The following MACROD2 variants were observed in gnomAD, a reference collection of about 807,000 sequenced individuals.
MACROD2 encodes mono-ADP ribosylhydrolase 2.
A neutral mutation model predicts 70.4 loss-of-function variants in MACROD2; 36 were observed. The observed-to-expected ratio is 0.51, with a 90% CI of 0.39 to 0.68. The LOEUF (loss-of-function observed/expected upper bound fraction) is 0.68. MACROD2 is among the 30% of genes least tolerant of loss of function. The pLI is 0.00. For synonymous variants in MACROD2, 172 were observed against 178.8 expected, an observed-to-expected ratio of 0.96 and a Z score of 0.30; for missense variants, 496 against 538.4, an observed-to-expected ratio of 0.92 and a Z score of 0.78.
chr20:14,066,541 T>G (rs2053759721), intron 2 of MACROD2, among the ~76,000 whole-genome samples: 1 of 152,224 alleles, frequency 6.6e-6, no homozygotes, highest in African/African-American at 2.4e-5. Flanking sequence ...ATTTCAAAAA[T>G]TTCAAAATTT....
At chr20:14,151,137 G>A (rs1472164579) in intron 3 of MACROD2, among the ~76,000 whole-genome samples, 1 of 152,222 alleles carries the variant, frequency 6.6e-6, no homozygotes. Context: ...GTGGAGGAAA[G>A]ACGTTAAATC....
chr20:14,638,639 A>G (rs1396213283), intron 4 of MACROD2, among the ~76,000 whole-genome samples: 1 of 152,140 alleles, frequency 6.6e-6, no homozygotes, highest in African/African-American at 2.4e-5. Flanking sequence ...TATTTACTCC[A>G]TGAGGTTGTT....
chr20:14,583,354 C>T (rs1471165181), intron 4 of MACROD2, among the ~76,000 whole-genome samples: 1 of 152,152 alleles, frequency 6.6e-6, no homozygotes. Flanking sequence ...AATAAACTCC[C>T]CAGCCTCTCA....
At chr20:14,515,474 CA>C (rs2085086286) in intron 4 of MACROD2, among the ~76,000 whole-genome samples, 1 of 133,094 alleles carries the variant, frequency 7.5e-6, no homozygotes, top group Non-Finnish European at 1.7e-5. Flanking sequence ...CGCACACACA[CA>C]CACACACACA....
At chr20:14,318,050 A>G (rs1284368634) in intron 3 of MACROD2, among the ~76,000 whole-genome samples, 2 of 152,182 alleles carry the variant, frequency 1.3e-5, no homozygotes, top group Non-Finnish European at 2.9e-5. Flanking sequence ...TTTTCTGGGT[A>G]TATTCATTAA....
intron 5 of MACROD2, among the ~76,000 whole-genome samples, chr20:14,889,439 A>T (rs1366577165): frequency 3.9e-5 from 6 of 152,160 alleles, no homozygotes; most frequent in Non-Finnish European, 2.9e-5. Context: ...GAGCAAACTA[A>T]AGGGGAAGTG....
chr20:14,849,625 C>CA (rs951020953), intron 5 of MACROD2, among the ~76,000 whole-genome samples: 4 of 151,980 alleles, frequency 2.6e-5, no homozygotes, highest in Admixed American at 2.6e-4. Context: ...ACTAAAAATA[C>CA]AAAAAATTAG....
chr20:14,890,457 G>A (rs2073740502), intron 5 of MACROD2, among the ~76,000 whole-genome samples: 1 of 151,424 alleles, frequency 6.6e-6, no homozygotes. Flanking sequence ...GAGGGGGAGA[G>A]CTTCATGGTG....
chr20:14,682,624 G>T (rs2070947472), intron 4 of MACROD2, among the ~76,000 whole-genome samples: 1 of 151,864 alleles, frequency 6.6e-6, no homozygotes, highest in Non-Finnish European at 1.5e-5. Flanking sequence ...ACCTATAGCT[G>T]GTCTATTCAT....
At chr20:16,031,795 G>A (rs944213468) in intron 15 of MACROD2, among the ~76,000 whole-genome samples, 1 of 152,018 alleles carries the variant, frequency 6.6e-6, no homozygotes, top group Non-Finnish European at 1.5e-5. Context: ...ATATATTTAT[G>A]TAGAAAATAA....
chr20:14,689,472 T>G (rs1295856014), intron 5 of MACROD2, among the ~76,000 whole-genome samples: 3 of 152,200 alleles, frequency 2.0e-5, no homozygotes, highest in Admixed American at 6.5e-5. Flanking sequence ...AACGTAACTC[T>G]AATCCTCTCA....
chr20:14,406,298 T>C (rs746008938), intron 3 of MACROD2, among the ~76,000 whole-genome samples: 10 of 152,136 alleles, frequency 6.6e-5, no homozygotes, highest in Non-Finnish European at 2.9e-5. Context: ...TTAAAATTAT[T>C]TAAATATCAC....
intron 4 of MACROD2, among the ~76,000 whole-genome samples, chr20:14,529,963 C>A (rs185017985): frequency 6.6e-6 from 1 of 152,006 alleles, no homozygotes; most frequent in Non-Finnish European, 1.5e-5. Flanking sequence ...GATTTGAGTG[C>A]GACTAGTTTA....
chr20:14,578,157 A>G (rs2423832), intron 4 of MACROD2, among the ~76,000 whole-genome samples: 96,764 of 150,218 alleles, frequency 0.64, 32,716 homozygotes, highest in East Asian at 0.93. Flanking sequence ...TATATATAAT[A>G]TATATTATAT....
intron 3 of MACROD2, among the ~76,000 whole-genome samples, chr20:14,438,097 A>G (rs79714126): frequency 0.012 from 1,801 of 152,128 alleles, 32 homozygotes; most frequent in African/African-American, 0.041. Flanking sequence ...GCATCTTCCT[A>G]TTTCCTCCTC....
chr20:15,397,336 C>T (rs1378111774), intron 6 of MACROD2, among the ~76,000 whole-genome samples: 1 of 151,946 alleles, frequency 6.6e-6, no homozygotes, highest in Admixed American at 6.6e-5. Flanking sequence ...CACTCTGTTG[C>T]CAAGGCTGGA....
At chr20:15,340,243 A>C (rs1018070108) in intron 6 of MACROD2, among the ~76,000 whole-genome samples, 1 of 147,128 alleles carries the variant, frequency 6.8e-6, no homozygotes, top group Non-Finnish European at 1.5e-5. Context: ...GGTTCAAGCA[A>C]TTCTCTGCCT....
intron 4 of MACROD2, among the ~76,000 whole-genome samples, chr20:14,650,988 G>C (rs764645316): frequency 4.0e-4 from 61 of 152,152 alleles, no homozygotes; most frequent in Non-Finnish European, 6.2e-4. Context: ...CAATGAAAGG[G>C]AGTATAGAAC....
chr20:14,206,947 G>A (rs1421242640), intron 3 of MACROD2, among the ~76,000 whole-genome samples: 1 of 152,086 alleles, frequency 6.6e-6, no homozygotes, highest in Non-Finnish European at 1.5e-5. Flanking sequence ...CAACTCCTAG[G>A]TAACTTGGAA....
Sources: allele counts gnomAD v4.1 joint callset (sites outside exome capture counted in the v4.1 genomes callset), GRCh38; gene constraint gnomAD v4.1.1; transcripts MANE v1.5; gene names NCBI Gene and HGNC (gene_info 2026-07-23, HGNC 2026-07-21).